Variants in MYO18A observed in about 807,000 individuals in gnomAD.
MYO18A encodes the protein myosin XVIIIA.
Under a neutral mutation model 235.8 loss-of-function variants are expected in MYO18A, and 78 were observed. The ratio of observed to expected loss-of-function variants is 0.33; its 90% CI spans 0.28 to 0.40. The LOEUF is 0.40. MYO18A is among the 10% of genes least tolerant of loss of function. The pLI is 1.00. For missense variants in MYO18A, 2,215 were observed against 2,699.3 expected (o/e 0.82, Z 3.98); for synonymous variants, 977 against 1,077.8 (o/e 0.91, Z 1.83).
At chr17:29,103,835 A>T (rs62065161) in intron 20 of MYO18A, among the ~76,000 whole-genome samples, 171 bp from the exon 21 acceptor site, 1 of 152,218 alleles carries the variant, frequency 6.6e-6, no homozygotes, top group Admixed American at 6.5e-5. Flanking sequence ...GGACATAGAG[A>T]TGACTACGAG....
At position 29,126,556 on chromosome 17, in the gene MYO18A, G is replaced by T. The variant is rs993689256; in HGVS notation, c.1000-4303C>A. Among the ~76,000 whole-genome samples, 2 of 152,112 alleles carry T rather than the reference G, an allele frequency of 1.3e-5. No homozygotes were observed. Among genetic ancestry groups the T allele is most frequent in the African/African-American group, 4.8e-5 (2 of 41,420 alleles). On this transcript the variant is annotated intron_variant, in intron 2 of 41. Transcript: ENST00000527372. The surrounding 1 kb of genome is among the most constrained non-coding windows in gnomAD (Gnocchi z 4.1). ...AGTGCTGCAATGCCCAGGAAGAATG[G>T]GGAGCAACAAGGCTCCCCAGGTCCC...
intron 2 of MYO18A, among the ~76,000 whole-genome samples, chr17:29,159,935 A>G (rs2068138361): frequency 6.6e-6 from 1 of 152,250 alleles, no homozygotes; most frequent in Non-Finnish European, 1.5e-5. Flanking sequence ...GGAAGCACCC[A>G]GAAGGCCATC....
chr17:29,113,973 G>T, intron 15 of MYO18A, 38 bp downstream of exon 15: 1 of 1,507,322 alleles, frequency 6.6e-7, no homozygotes, highest in African/African-American at 1.4e-5. Context: ...TGGGGAACGA[G>T]AGGAAAGGCT....
Position 29,122,940 on chromosome 17 carries a change from G to C in MYO18A, c.1000-687C>G, listed in dbSNP as rs139043632. On this transcript the variant is annotated intron_variant, in intron 2 of 41. Coordinates refer to ENST00000527372, the MANE Select transcript of MYO18A (RefSeq NM_078471.4). ...CAAAGACCCCTGTCACACAGACCTA[G>C]TGGACACGCTAATGCCATACAAAGG... Among the ~76,000 whole-genome samples, 732 of 152,336 alleles carry C rather than the reference G, an allele frequency of 4.8e-3. 8 individuals carry two copies. Among genetic ancestry groups the C allele is most frequent in the African/African-American group, 0.016 (682 of 41,570 alleles).
chr17:29,175,122 CT>C (rs1254316452), intron 1 of MYO18A, among the ~76,000 whole-genome samples: 3 of 150,398 alleles, frequency 2.0e-5, no homozygotes, highest in South Asian at 2.1e-4. Context: ...AATTTTTTTT[CT>C]TTTTTTTTAA....
chr17:29,166,304 G>A lies in MYO18A; in HGVS notation c.637C>T (p.Leu213=). 6.2e-7 allele frequency: 1 copy of A among 1,612,514 alleles called. No homozygotes were observed. Among genetic ancestry groups the A allele is most frequent in the Middle Eastern group, 1.7e-4 (1 of 6,060 alleles). ...AGCTCCCGGAGGGTAGGTGGGGGCA[G>A]GGGCACCACGGGGGGCAGGCGCAGG... is the stretch of plus-strand genomic sequence containing the variant. ...VDLRLPPVVP[L]PPPTLRELEL... The change falls in exon 2 of 42, where the codon CTG becomes TTG. Residue 213 remains leucine (L), a synonymous_variant. Coordinates refer to ENST00000527372, the MANE Select transcript of MYO18A (RefSeq NM_078471.4).
chr17:29,136,504 A>T (rs2067607558), intron 2 of MYO18A, among the ~76,000 whole-genome samples: 1 of 152,128 alleles, frequency 6.6e-6, no homozygotes, highest in Non-Finnish European at 1.5e-5. Context: ...TTCCAGCAAC[A>T]TTACTGAATA....
At position 29,111,985 on chromosome 17, in the gene MYO18A, A is replaced by G. The variant is rs912391538; in HGVS notation, c.2599-122T>C. 9 of 1,248,534 alleles carry G rather than the reference A, an allele frequency of 7.2e-6. No individual in the cohort carries two copies. In the African/African-American group the frequency reaches 1.4e-4, roughly 19 times the overall value. 77.3% of individuals were successfully genotyped at this position (1,248,534 alleles called of 1,614,324 possible). On this transcript the variant is annotated intron_variant, in intron 15 of 41. Coordinates refer to ENST00000527372, the MANE Select transcript of MYO18A (RefSeq NM_078471.4). The surrounding 1 kb of genome is among the most constrained non-coding windows in gnomAD (Gnocchi z 5.1). ...CATGTGCACACATGCACACACGCAC[A>G]TGCCGCAGCTCCTGCCGCTCACTGC...
At chr17:29,161,025 C>T (rs926137579) in intron 2 of MYO18A, among the ~76,000 whole-genome samples, 10 of 152,120 alleles carry the variant, frequency 6.6e-5, no homozygotes, top group African/African-American at 2.4e-4. Flanking sequence ...TGAGACCAGC[C>T]TGGGCAACAT....
At chr17:29,179,597 G>T (rs1371195545) in intron 1 of MYO18A, among the ~76,000 whole-genome samples, 1 of 152,140 alleles carries the variant, frequency 6.6e-6, no homozygotes, top group South Asian at 2.1e-4. Context: ...CAGCTTGTCC[G>T]ACCTTCCCAC....
At chr17:29,164,797 G>A (rs1244526870) in intron 2 of MYO18A, among the ~76,000 whole-genome samples, 1 of 152,220 alleles carries the variant, frequency 6.6e-6, no homozygotes, top group South Asian at 2.1e-4. Flanking sequence ...GCCCCATGGA[G>A]ATCCGCTCCT....
intron 21 of MYO18A, among the ~76,000 whole-genome samples, chr17:29,101,208 G>A (rs1247180561): frequency 1.3e-5 from 2 of 151,846 alleles, no homozygotes; most frequent in East Asian, 3.9e-4. Context: ...ATGTTGCCCA[G>A]GCTGGTCTTG....
At position 29,082,392 on chromosome 17, in the gene MYO18A, C is replaced by T. The variant is rs769438178; in HGVS notation, c.5944G>A (p.Gly1982Arg). 14 of 1,613,774 alleles carry T rather than the reference C, an allele frequency of 8.7e-6. No individual in the cohort carries two copies. The highest frequency in any genetic ancestry group is 1.2e-5 in the Non-Finnish European group (14 of 1,179,880). Residue 1982 changes from glycine to arginine, a missense_variant, in exon 41 of 42, where the codon GGG becomes AGG. Physicochemically the swap from Gly to Arg is moderately radical, Grantham distance 125 (BLOSUM62 -2). Coordinates refer to ENST00000527372, the MANE Select transcript of MYO18A (RefSeq NM_078471.4). ...VDSELEDRVD[G>R]VKSWLSKNKG... Reference sequence around the variant, plus strand: ...TTTTTTGACAACCAGGACTTGACCCCGTCAACACGGTCCTCCAGCTCCGAG... The same window carrying T: ...TTTTTTGACAACCAGGACTTGACCCTGTCAACACGGTCCTCCAGCTCCGAG...
chr17:29,125,406 GC>G lies in MYO18A; in HGVS notation c.1000-3154del, dbSNP rs1380608798. 6.6e-6 allele frequency among the ~76,000 whole-genome samples: 1 copy of G among 152,188 alleles called. No homozygotes were observed. The highest frequency in any genetic ancestry group is 2.4e-5 in the African/African-American group (1 of 41,434). Reference sequence around the variant, plus strand: ...CTGCCCAAGAGCAAAGGCACTGTGGGCAAACCCTGTGGCCAGCCGTGACCTC... The same window carrying G: ...CTGCCCAAGAGCAAAGGCACTGTGGGAAACCCTGTGGCCAGCCGTGACCTC... On this transcript the variant is annotated intron_variant, in intron 2 of 41. Coordinates refer to ENST00000527372, the MANE Select transcript of MYO18A (RefSeq NM_078471.4). The surrounding 1 kb of genome is among the most constrained non-coding windows in gnomAD (Gnocchi z 5.1).
At chr17:29,124,140 C>T (rs2067264753) in intron 2 of MYO18A, among the ~76,000 whole-genome samples, 1 of 152,150 alleles carries the variant, frequency 6.6e-6, no homozygotes, top group African/African-American at 2.4e-5. Flanking sequence ...TAGACACCTT[C>T]TATGGGCCAG....
At chr17:29,108,427 C>T (rs777475359) in intron 19 of MYO18A, among the ~76,000 whole-genome samples, 5 of 152,160 alleles carry the variant, frequency 3.3e-5, no homozygotes, top group Non-Finnish European at 7.4e-5. Context: ...AACTCCACTC[C>T]CACAAAATCA....
intron 1 of MYO18A, among the ~76,000 whole-genome samples, chr17:29,174,460 C>T (rs2068476814): frequency 2.0e-5 from 3 of 151,900 alleles, no homozygotes; most frequent in Non-Finnish European, 2.9e-5. Context: ...AGCCAAGATT[C>T]GTGCTACTGT....
chr17:29,140,367 G>T lies in MYO18A; in HGVS notation c.1000-18114C>A, dbSNP rs1377911655. The T allele has an allele frequency of 7.8e-7, 1 of 1,284,548 alleles. No homozygotes were observed. Among genetic ancestry groups the T allele is most frequent in the Non-Finnish European group, 1.0e-6 (1 of 986,514 alleles). The allele number at this position is 1,284,548 out of a possible 1,614,324, so 79.6% of individuals were successfully genotyped here. A position where few individuals can be genotyped will look rare whatever the true frequency, so the allele number is the denominator to read the frequency against. On this transcript the variant is annotated intron_variant, in intron 2 of 41. Transcript: ENST00000527372. This position sits in a 1 kb window ranked among gnomAD's most constrained non-coding sequence, Gnocchi z 4.2. ...GCATGGCCTGGCCTGGAGCAGCCCA[G>T]AGCAAGGAGACTCCGCTCTGATGCT...
rs781633107 is a variant in MYO18A at position 29,114,146 on chromosome 17, G to A, written c.2512-49C>T. 3 of 1,432,504 alleles carry A rather than the reference G, an allele frequency of 2.1e-6. No homozygotes were observed. In the South Asian group the frequency reaches 3.7e-5, roughly 18 times the overall value. 88.7% of individuals were successfully genotyped at this position (1,432,504 alleles called of 1,614,324 possible). A position where few individuals can be genotyped will look rare whatever the true frequency, so the allele number is the denominator to read the frequency against. On this transcript the variant is annotated intron_variant, in intron 14 of 41. Coordinates refer to ENST00000527372, the MANE Select transcript of MYO18A (RefSeq NM_078471.4). Reference sequence around the variant, plus strand: ...GTGAGCATGGGGGTCACATTGTGGGGAACAGCCTTGTGAGTAGGCTGGGAA... The same window carrying A: ...GTGAGCATGGGGGTCACATTGTGGGAAACAGCCTTGTGAGTAGGCTGGGAA...
Sources: gnomAD v4.1 joint callset for allele counts (sites outside exome capture counted in the v4.1 genomes callset) on GRCh38, gnomAD v4.1.1 for gene constraint, Gnocchi (gnomAD v3.1) non-coding constraint, MANE v1.5 for transcripts, NCBI Gene and HGNC (gene_info 2026-07-23, HGNC 2026-07-21) for gene names.